The following DIO2 variants were observed in gnomAD, a reference collection of about 807,000 sequenced individuals.
DIO2 encodes the protein iodothyronine deiodinase 2.
DIO2 carries 19 observed loss-of-function variants against 21.4 expected under a neutral mutation model. That is an observed-to-expected ratio of 0.89 (90% CI 0.62 to 1.30). DIO2 has a LOEUF of 1.30. Among genes scored for constraint, DIO2 ranks in the 50% most tolerant of loss-of-function variants. The probability of loss-of-function intolerance (pLI) is 0.00; values close to 1 mark genes in which losing one functional copy is unlikely to be tolerated. For missense variants in DIO2, 302 were observed against 338.1 expected (o/e 0.89, Z 0.84); for synonymous variants, 122 against 132.9 (o/e 0.92, Z 0.57).
chr14:80,227,243 C>T (rs1888594800), intron 2 of DIO2, among the ~76,000 whole-genome samples: 1 of 152,142 alleles, frequency 6.6e-6, no homozygotes, highest in Non-Finnish European at 1.5e-5. Flanking sequence ...AGGGAACTGC[C>T]CATGATGCCA....
At chr14:80,216,802 G>C (rs1238547133) in intron 2 of DIO2, 1 of 152,064 alleles carries the variant, frequency 6.6e-6, no homozygotes, top group Non-Finnish European at 1.5e-5. Flanking sequence ...ATCATCTCTG[G>C]AACAACATTT....
rs1434268879 is a variant in DIO2 at position 80,201,070 on chromosome 14, T to C, written c.*1619A>G. On this transcript the variant is annotated 3_prime_UTR_variant, in exon 2 of 2. Transcript: ENST00000438257. ...AAAGAAATTATGATACGAAAGTGGT[T>C]GGTCCATTCTTTTGGGAGCTATAAT... 6.6e-6 allele frequency: 1 copy of C among 151,930 alleles called. No individual in the cohort carries two copies. Among genetic ancestry groups the C allele is most frequent in the East Asian group, 1.9e-4 (1 of 5,188 alleles). The allele number at this position is 151,930 out of a possible 1,614,324, so 9.4% of individuals were successfully genotyped here.
chr14:80,219,137 G>A (rs548519686), intron 2 of DIO2, among the ~76,000 whole-genome samples: 10 of 152,250 alleles, frequency 6.6e-5, no homozygotes, highest in African/African-American at 2.4e-4. Flanking sequence ...TTATACAACA[G>A]ACTCTCTCTT....
chr14:80,206,655 G>A (rs1012427442), intron 1 of DIO2, among the ~76,000 whole-genome samples: 8 of 152,136 alleles, frequency 5.3e-5, no homozygotes, highest in African/African-American at 1.9e-4. Context: ...CATTTAGGCT[G>A]CAGGAAAGAA....
chr14:80,221,663 C>G (rs1334139436), intron 2 of DIO2, among the ~76,000 whole-genome samples: 1 of 152,082 alleles, frequency 6.6e-6, no homozygotes, highest in East Asian at 1.9e-4. Context: ...AAAACAGAAG[C>G]AGATGATAAG....
intron 2 of DIO2, among the ~76,000 whole-genome samples, chr14:80,218,266 G>A (rs922656449): frequency 6.6e-6 from 1 of 152,088 alleles, no homozygotes; most frequent in Non-Finnish European, 1.5e-5. Flanking sequence ...TGGCAGGCAG[G>A]CCACATATTA....
In DIO2 at chr14:80,201,502, T is replaced by C. The variant is rs538788468; in HGVS notation, c.*1187A>G. On this transcript the variant is annotated 3_prime_UTR_variant, in exon 2 of 2. Transcript: ENST00000438257. ...ATATATACATATATTTGTATGTATG[T>C]ATGTATGTGTGTATGTACGTATAAT... 1 of 152,352 alleles carries C rather than the reference T, an allele frequency of 6.6e-6. No individual in the cohort carries two copies. The highest frequency in any genetic ancestry group is 2.1e-4 in the South Asian group (1 of 4,830). The allele number at this position is 152,352 out of a possible 1,614,324, so 9.4% of individuals were successfully genotyped here. A position where few individuals can be genotyped will look rare whatever the true frequency, so the allele number is the denominator to read the frequency against.
At chr14:80,208,590 C>T (rs1455163519) in intron 1 of DIO2, among the ~76,000 whole-genome samples, 1 of 152,172 alleles carries the variant, frequency 6.6e-6, no homozygotes, top group Non-Finnish European at 1.5e-5. Flanking sequence ...GAAAACTTCA[C>T]TTCTGGGGAT....
At chr14:80,213,890 G>A (rs749160750), upstream of DIO2, among the ~76,000 whole-genome samples, 41 of 152,032 alleles carry the variant, frequency 2.7e-4, no homozygotes, top group Admixed American at 5.9e-4. Flanking sequence ...TCTCATGGAC[G>A]AAATTGTTAA....
Position 80,216,643 on chromosome 14 carries a change from A to T in DIO2, c.-230+47T>A, listed in dbSNP as rs1888369020. On this transcript the variant is annotated intron_variant, in intron 3 of 4. Coordinates refer to the DIO2 transcript ENST00000553594. ...GGTGAATTCATTCATGACCAAAAAT[A>T]AATAAATAAATAAATAAAAAGCTGA... 4 of 151,730 alleles carry T rather than the reference A, an allele frequency of 2.6e-5. No homozygotes were observed. In the South Asian group the frequency reaches 8.3e-4, roughly 32 times the overall value. 9.4% of individuals were successfully genotyped at this position (151,730 alleles called of 1,614,324 possible).
chr14:80,208,156 G>A (rs955126132), intron 1 of DIO2, among the ~76,000 whole-genome samples: 15 of 152,094 alleles, frequency 9.9e-5, no homozygotes, highest in South Asian at 4.1e-4. Context: ...GTCTCTGAGC[G>A]CCAGCACAAG....
At chr14:80,206,521 T>C (rs774067483) in intron 1 of DIO2, among the ~76,000 whole-genome samples, 3 of 152,148 alleles carry the variant, frequency 2.0e-5, no homozygotes, top group Admixed American at 1.3e-4. Flanking sequence ...TGCACCCTGC[T>C]GAGACAGGCT....
chr14:80,221,042 A>G (rs1241683829), intron 2 of DIO2, among the ~76,000 whole-genome samples: 2 of 152,184 alleles, frequency 1.3e-5, no homozygotes, highest in African/African-American at 4.8e-5. Context: ...TCATGGAAAA[A>G]TTTCAAACAT....
In DIO2 at chr14:80,200,306, C is replaced by T. The variant is rs1887664804; in HGVS notation, c.*2383G>A. 1 of 152,524 alleles carries T rather than the reference C, an allele frequency of 6.6e-6. No homozygotes were observed. The highest frequency in any genetic ancestry group is 1.5e-5 in the Non-Finnish European group (1 of 68,028). 9.4% of individuals were successfully genotyped at this position (152,524 alleles called of 1,614,324 possible). On this transcript the variant is annotated 3_prime_UTR_variant, in exon 2 of 2. Transcript: ENST00000438257. ...TGCTTCATTTCTCCATTGGGCTAACCTCAGGGAGAATTGTCTGCACACATA... is the reference window on the plus strand; with the variant it reads ...TGCTTCATTTCTCCATTGGGCTAACTTCAGGGAGAATTGTCTGCACACATA...
rs538377370 is a variant in DIO2 at position 80,202,857 on chromosome 14, G to A, written c.654C>T (p.Asn218=). ...CRVVADRMDN[N]ANIAYGVAFE... ...AGGCTACCCCGTAAGCTATGTTGGC[G>A]TTATTGTCCATGCGGTCAGCCACAA... The change falls in exon 2 of 2, where the codon AAC becomes AAT. Residue 218 remains asparagine, a synonymous_variant. Transcript: ENST00000438257. 2.5e-6 allele frequency: 4 copies of A among 1,613,934 alleles called. No individual in the cohort carries two copies. The highest frequency in any genetic ancestry group is 1.3e-5 in the African/African-American group (1 of 75,022).
intron 2 of DIO2, among the ~76,000 whole-genome samples, chr14:80,230,259 G>C (rs1476851749): frequency 6.6e-6 from 1 of 152,100 alleles, no homozygotes; most frequent in African/African-American, 2.4e-5. Context: ...CCAAATTTCA[G>C]GGTCCCATTC....
At chr14:80,223,816 C>T (rs919473648) in intron 2 of DIO2, among the ~76,000 whole-genome samples, 18 of 152,204 alleles carry the variant, frequency 1.2e-4, no homozygotes, top group African/African-American at 4.1e-4. Flanking sequence ...ATGTTGTAGA[C>T]AAAGTTAAAT....
Position 80,206,904 on chromosome 14 carries a change from T to C in DIO2, c.223-3616A>G, listed in dbSNP as rs148684063. On this transcript the variant is annotated intron_variant, in intron 1 of 1. Transcript: ENST00000438257. The stretch of plus-strand genomic sequence containing the variant: ...CTTTCCCTGCCAGCATTAGCCGCTC[T>C]AAAGAGAACCCTGCCCAGTATTTAA... Among the ~76,000 whole-genome samples the C allele has an allele frequency of 2.9e-3, 435 of 152,292 alleles. 1 individual carries two copies. Among genetic ancestry groups the C allele is most frequent in the African/African-American group, 9.5e-3 (395 of 41,580 alleles).
chr14:80,215,183 G>A (rs1594879764), upstream of DIO2, among the ~76,000 whole-genome samples: 1 of 152,138 alleles, frequency 6.6e-6, no homozygotes, highest in Non-Finnish European at 1.5e-5. Context: ...TTCCCCATAC[G>A]ATATTCCACA....
Sources: gnomAD v4.1 joint callset for allele counts (sites outside exome capture counted in the v4.1 genomes callset) on GRCh38, gnomAD v4.1.1 for gene constraint, MANE v1.5 for transcripts, NCBI Gene and HGNC (gene_info 2026-07-23, HGNC 2026-07-21) for gene names.